GSS: variants seen among roughly 807,000 people sequenced by gnomAD.
GSS encodes the protein glutathione synthetase.
In GSS, 34 loss-of-function variants were observed where a neutral mutation model predicts 60.4. That is an observed-to-expected ratio of 0.56 (90% confidence interval 0.43 to 0.75). The LOEUF (loss-of-function observed/expected upper bound fraction) is 0.75. Among genes scored for constraint, GSS ranks in the 30% least tolerant of loss-of-function variants. The pLI is 0.00. For missense variants in GSS, 499 were observed against 595.1 expected (o/e 0.84, Z 1.68); for synonymous variants, 224 against 239.0 (o/e 0.94, Z 0.58).
intron 12 of GSS, 141 bp downstream of exon 12, chr20:34,929,260 A>G: frequency 1.2e-6 from 1 of 803,934 alleles, no homozygotes; most frequent in Non-Finnish European, 2.2e-6. Flanking sequence ...ATAAAGAAAC[A>G]GGTAATAAAG....
At chr20:34,934,309 C>T (rs2147123913) in intron 9 of GSS, among the ~76,000 whole-genome samples, 1 of 148,992 alleles carries the variant, frequency 6.7e-6, no homozygotes, top group African/African-American at 2.5e-5. Context: ...CAGAGTCTCG[C>T]TCTGTCAGCC....
chr20:34,932,186 G>A (rs944542861), intron 9 of GSS, 53 bp from the exon 10 acceptor site: 16 of 1,393,800 alleles, frequency 1.1e-5, no homozygotes, highest in African/African-American at 5.7e-5. Context: ...TTCAGCTGAC[G>A]TTTACTGAAC....
At chr20:34,941,871 G>T in intron 5 of GSS, 42 bp from the exon 6 acceptor site, 1 of 1,082,810 alleles carries the variant, frequency 9.2e-7, no homozygotes. Context: ...GGATGGACCT[G>T]GAAGACCCCT....
rs556451851 is a variant in GSS at position 34,953,862 on chromosome 20, C to T, written c.-9+1865G>A. ...GATCTCGTGATCCCCCACTCTCGGC[C>T]TCCCAAAGTGCTGGGATTACAGGCG... On this transcript the variant is annotated intron_variant, in intron 1 of 12. Coordinates refer to ENST00000651619, the MANE Select transcript of GSS (RefSeq NM_000178.4). 4.1e-4 allele frequency among the ~76,000 whole-genome samples: 62 copies of T among 152,326 alleles called. No individual in the cohort carries two copies. In the South Asian group the frequency reaches 8.7e-3, roughly 21 times the overall value.
chr20:34,944,347 T>C (rs1415897015), intron 3 of GSS, among the ~76,000 whole-genome samples: 1 of 152,208 alleles, frequency 6.6e-6, no homozygotes, highest in Non-Finnish European at 1.5e-5. Context: ...AGGCTGCTCA[T>C]GTTTCCCACA....
chr20:34,942,477 AG>A lies in GSS; in HGVS notation c.491+10del, dbSNP rs746583024. ...CCCACAGGTATGCCGGGGGCTGCCC[AG>A]GGGACCCACCGGTGCACAGCTGGGG... On this transcript the variant is annotated intron_variant, in intron 5 of 12. Coordinates refer to ENST00000651619, the MANE Select transcript of GSS (RefSeq NM_000178.4). The A allele has an allele frequency of 8.7e-6, 14 of 1,611,856 alleles. No homozygotes were observed. The highest frequency in any genetic ancestry group is 1.7e-5 in the Admixed American group (1 of 59,982).
chr20:34,931,303 A>G, intron 11 of GSS, 33 bp downstream of exon 11: 1 of 1,539,570 alleles, frequency 6.5e-7, no homozygotes, highest in Non-Finnish European at 9.0e-7. Context: ...AGTCCCTCTC[A>G]TTGAGGAGCC....
rs2147130019 is a variant in GSS, at chr20:34,942,949, T to C, written c.333A>G (p.Leu111=). The C allele has an allele frequency of 1.2e-6, 2 of 1,608,806 alleles. No individual in the cohort carries two copies. Among genetic ancestry groups the C allele is most frequent in the South Asian group, 1.1e-5 (1 of 90,434 alleles). The change falls in exon 4 of 13, where the codon CTA becomes CTG. Residue 111 remains leucine (L), a synonymous_variant. Transcript: ENST00000651619. ...ARLFDIHKQV[L]KEGIAQTVFL... ...TGGTTACCTGGGCAATGCCCTCTTT[T>C]AGGACTTGCTTGTGGATGTCAAAGA...
chr20:34,943,104 C>T (rs1178862837), intron 3 of GSS, 98 bp from the exon 4 acceptor site: 1 of 812,588 alleles, frequency 1.2e-6, no homozygotes, highest in Non-Finnish European at 2.1e-6. Flanking sequence ...CTCTCTGAGT[C>T]TACTGGCCAA....
At position 34,928,931 on chromosome 20, in the gene GSS, A is replaced by G; in HGVS notation, c.1322T>C (p.Met441Thr). Residue 441 changes from methionine to threonine, a missense_variant, in exon 13 of 13, where the codon ATG becomes ACG. Physicochemically the swap from Met to Thr is moderately conservative, Grantham distance 81. Coordinates refer to ENST00000651619, the MANE Select transcript of GSS (RefSeq NM_000178.4). The stretch of plus-strand genomic sequence containing the variant: ...AAGTAGATGCCCCACGTGCTTGTTC[A>G]TCACGAGTGTCTTTTCCTGCCTATA... ...VYVRQEKTLV[M>T]NKHVGHLLRT... is the part of the protein sequence containing the mutation. 1 of 1,613,506 alleles carries G rather than the reference A, an allele frequency of 6.2e-7. No individual in the cohort carries two copies. Among genetic ancestry groups the G allele is most frequent in the Non-Finnish European group, 8.5e-7 (1 of 1,180,018 alleles).
chr20:34,942,059 A>T (rs987002673), intron 5 of GSS, among the ~76,000 whole-genome samples: 1 of 151,952 alleles, frequency 6.6e-6, no homozygotes, highest in Non-Finnish European at 1.5e-5. Flanking sequence ...TCCCCACCCC[A>T]ACCTACCCTA....
At chr20:34,949,537 C>A (rs1438601906) in intron 2 of GSS, 1 of 151,710 alleles carries the variant, frequency 6.6e-6, no homozygotes, top group Non-Finnish European at 1.5e-5. Flanking sequence ...ATCATCTAAT[C>A]ATAATGAACT....
At chr20:34,929,187 C>G in intron 12 of GSS, 1 of 692,916 alleles carries the variant, frequency 1.4e-6, no homozygotes, top group Non-Finnish European at 2.5e-6. Flanking sequence ...GACTTCTCAT[C>G]AGGGCTTCAT....
In GSS at chr20:34,945,172, C is replaced by T. The variant is rs539515229; in HGVS notation, c.275+781G>A. On this transcript the variant is annotated intron_variant, in intron 3 of 12. Transcript: ENST00000651619. The stretch of plus-strand genomic sequence containing the variant: ...AGTAGCTGGGATTATAGGCACCCGC[C>T]ACCACACCCAGCTAATTTTTTTATA... Among the ~76,000 whole-genome samples, 221 of 151,844 alleles carry T rather than the reference C, an allele frequency of 1.5e-3. 2 individuals carry two copies. Among genetic ancestry groups the T allele is most frequent in the Non-Finnish European group, 2.3e-3 (153 of 67,916 alleles).
At chr20:34,943,841 T>A (rs1482048716) in intron 3 of GSS, among the ~76,000 whole-genome samples, 2 of 152,234 alleles carry the variant, frequency 1.3e-5, no homozygotes, top group African/African-American at 2.4e-5. Context: ...TGTACTGCCA[T>A]GACATGTGAC....
At chr20:34,931,515 C>G in intron 10 of GSS, 98 bp from the exon 11 acceptor site, 2 of 956,502 alleles carry the variant, frequency 2.1e-6, no homozygotes, top group Non-Finnish European at 3.3e-6. Flanking sequence ...AGAGGAAGAG[C>G]AGGAGGGAGA....
intron 3 of GSS, among the ~76,000 whole-genome samples, chr20:34,945,327 T>C (rs1487749619): frequency 6.6e-6 from 1 of 150,630 alleles, no homozygotes; most frequent in African/African-American, 2.5e-5. Flanking sequence ...CCAGCCTATA[T>C]ATATTTAATT....
At position 34,941,741 on chromosome 20, in the gene GSS, T is replaced by G; in HGVS notation, c.580A>C (p.Lys194Gln). 3.1e-6 allele frequency: 5 copies of G among 1,609,646 alleles called. No individual in the cohort carries two copies. The highest frequency in any genetic ancestry group is 4.2e-6 in the Non-Finnish European group (5 of 1,176,990). The change falls in exon 6 of 13, where the codon AAA becomes CAA. Residue 194 changes from lysine to glutamine, a missense_variant. Physicochemically the swap from Lys to Gln is moderately conservative, Grantham distance 53. Coordinates refer to ENST00000651619, the MANE Select transcript of GSS (RefSeq NM_000178.4). ...GGTGAGCCGTAGAGCTCCCAGGCTT[T>G]GGCAATTCCCAGGGCCAGTCCCTTG... ...PSKGLALGIA[K>Q]AWELYGSPNA... is the part of the protein sequence containing the mutation.
Position 34,935,646 on chromosome 20 carries a change from G to T in GSS, c.768-4C>A. ...CACAGCAATTTCCTGGCCATCCCTG[G>T]AACACAGGATGGAGAAGGCTGCTGT... is the stretch of plus-strand genomic sequence containing the variant. On this transcript the variant is annotated splice_polypyrimidine_tract_variant and splice_region_variant and intron_variant, in intron 8 of 12. Transcript: ENST00000651619. The T allele has an allele frequency of 6.2e-7, 1 of 1,606,180 alleles. No homozygotes were observed. Among genetic ancestry groups the T allele is most frequent in the East Asian group, 2.2e-5 (1 of 44,862 alleles).
Sources: allele counts gnomAD v4.1 joint callset (sites outside exome capture counted in the v4.1 genomes callset), GRCh38; gene constraint gnomAD v4.1.1; transcripts MANE v1.5; gene names NCBI Gene and HGNC (gene_info 2026-07-23, HGNC 2026-07-21).